Variants in MCOLN3 observed in about 807,000 individuals in gnomAD.
MCOLN3 encodes mucolipin TRP cation channel 3, also known as mucolipin-3.
Under a neutral mutation model 69.4 loss-of-function variants are expected in MCOLN3, and 62 were observed. The ratio of observed to expected loss-of-function variants is 0.89; its 90% confidence interval spans 0.73 to 1.10. MCOLN3 has a LOEUF of 1.10. Among genes scored for constraint, MCOLN3 ranks in the 50% least tolerant of loss-of-function variants. MCOLN3 has a pLI of 0.00. For missense variants in MCOLN3, 564 were observed against 656.4 expected (o/e 0.86, Z 1.54); for synonymous variants, 183 against 217.0 (o/e 0.84, Z 1.38).
At chr1:85,030,835 G>GA (rs1209961624) in intron 6 of MCOLN3, among the ~76,000 whole-genome samples, 2 of 152,072 alleles carry the variant, frequency 1.3e-5, no homozygotes, top group African/African-American at 2.4e-5. Context: ...AAGTGCTAAA[G>GA]AAAAAAACAG....
rs571493668 is a variant in MCOLN3 at position 85,039,466 on chromosome 1, G to A, written c.396+1544C>T. Among the ~76,000 whole-genome samples the A allele has an allele frequency of 1.6e-4, 25 of 152,288 alleles. No individual in the cohort carries two copies. In the South Asian group the frequency reaches 2.7e-3, roughly 16 times the overall value. ...AAGGTAAGTGATCTTGGACTTCCCC[G>A]GCTCCGGAATTATTAGGCAGAAATT... On this transcript the variant is annotated intron_variant, in intron 3 of 12. Transcript: ENST00000370589.
chr1:85,033,594 T>C (rs930003451), intron 4 of MCOLN3, among the ~76,000 whole-genome samples: 2 of 152,226 alleles, frequency 1.3e-5, no homozygotes, highest in African/African-American at 4.8e-5. Flanking sequence ...TGCTATTCCA[T>C]GTTCTGATTT....
chr1:85,019,328 T>C, intron 12 of MCOLN3, 71 bp from the exon 13 acceptor site: 1 of 1,474,450 alleles, frequency 6.8e-7, no homozygotes, highest in Non-Finnish European at 9.3e-7. Context: ...AAATTCAAAA[T>C]GGATCATTTG....
In MCOLN3 at chr1:85,018,108, T is replaced by G. The variant is rs538039819; in HGVS notation, c.*1015A>C. On this transcript the variant is annotated 3_prime_UTR_variant, in exon 13 of 13. Coordinates refer to ENST00000370589, the MANE Select transcript of MCOLN3 (RefSeq NM_018298.11). ...GCATTTGGTATATGCTTTAATTTCA[T>G]GCATGTATAAGATACTCTTTTTACT... The G allele has an allele frequency of 1.3e-5, 2 of 152,338 alleles. No homozygotes were observed. The highest frequency in any genetic ancestry group is 4.1e-4 in the South Asian group (2 of 4,826). 9.4% of individuals were successfully genotyped at this position (152,338 alleles called of 1,614,324 possible).
chr1:85,041,280 GAA>G, intron 2 of MCOLN3, 103 bp from the exon 3 acceptor site: 1 of 912,812 alleles, frequency 1.1e-6, no homozygotes, highest in Non-Finnish European at 1.6e-6. Flanking sequence ...AGTTTAAAAT[GAA>G]TTCTCTGGGA....
chr1:85,048,022 C>A (rs1347683365), intron 1 of MCOLN3, among the ~76,000 whole-genome samples: 3 of 152,248 alleles, frequency 2.0e-5, no homozygotes, highest in Admixed American at 2.0e-4. Context: ...ATCTGGAGCC[C>A]CGGCCGGCAT....
rs190703120 is a variant in MCOLN3 at position 85,026,107 on chromosome 1, A to G, written c.946-19T>C. 12 of 1,610,810 alleles carry G rather than the reference A, an allele frequency of 7.4e-6. No individual in the cohort carries two copies. The African/African-American group carries it at 1.5e-4, about 20-fold the overall frequency. Reference sequence around the variant, plus strand: ...CAAACTCCTTTAGGGAAAAGAGGGGAGGCACAGTGAATGTCTCTGTCAATC... The same window carrying G: ...CAAACTCCTTTAGGGAAAAGAGGGGGGGCACAGTGAATGTCTCTGTCAATC... On this transcript the variant is annotated intron_variant, in intron 8 of 12. Transcript: ENST00000370589.
chr1:85,024,250 A>G (rs1652103574), intron 9 of MCOLN3, among the ~76,000 whole-genome samples: 1 of 152,190 alleles, frequency 6.6e-6, no homozygotes, highest in African/African-American at 2.4e-5. Context: ...AAATGATGGT[A>G]GTAAGTTAGC....
Position 85,018,725 on chromosome 1 carries a change from T to G in MCOLN3, c.*398A>C, listed in dbSNP as rs2102911528. ...CTCAAGGATGGACTCCTGAGAGTGG[T>G]CCAAGCCAGGGTTACTGAGTTGTCC... On this transcript the variant is annotated 3_prime_UTR_variant, in exon 13 of 13. Coordinates refer to ENST00000370589, the MANE Select transcript of MCOLN3 (RefSeq NM_018298.11). 1 of 166,768 alleles carries G rather than the reference T, an allele frequency of 6.0e-6. No homozygotes were observed. Among genetic ancestry groups the G allele is most frequent in the Admixed American group, 6.0e-5 (1 of 16,632 alleles). 10.3% of individuals were successfully genotyped at this position (166,768 alleles called of 1,614,324 possible). A position where few individuals can be genotyped will look rare whatever the true frequency, so the allele number is the denominator to read the frequency against.
At chr1:85,045,516 CA>C (rs1383925666) in intron 1 of MCOLN3, among the ~76,000 whole-genome samples, 154 bp from the exon 2 acceptor site, 1 of 152,206 alleles carries the variant, frequency 6.6e-6, no homozygotes, top group African/African-American at 2.4e-5. Context: ...TAGATGTTTA[CA>C]GAATCAGTTC....
At chr1:85,041,248 G>A in intron 2 of MCOLN3, 71 bp from the exon 3 acceptor site, 1 of 1,262,972 alleles carries the variant, frequency 7.9e-7, no homozygotes, top group Non-Finnish European at 1.1e-6. Context: ...GAAGGTACAG[G>A]GGCTTGAACA....
chr1:85,042,176 A>G (rs1033313692), intron 2 of MCOLN3, among the ~76,000 whole-genome samples: 1 of 152,206 alleles, frequency 6.6e-6, no homozygotes, highest in African/African-American at 2.4e-5. Context: ...TTCCTCATAC[A>G]CCAATTTTAG....
intron 2 of MCOLN3, among the ~76,000 whole-genome samples, chr1:85,042,796 A>G (rs1653135849): frequency 2.6e-5 from 4 of 152,222 alleles, no homozygotes; most frequent in Non-Finnish European, 5.9e-5. Flanking sequence ...CCAGTTTAAC[A>G]GAAGGACCAC....
intron 6 of MCOLN3, among the ~76,000 whole-genome samples, chr1:85,030,407 T>A (rs912507413): frequency 1.3e-5 from 2 of 152,152 alleles, no homozygotes; most frequent in African/African-American, 4.8e-5. Context: ...TTTGAAAATA[T>A]AGCAACAGAA....
chr1:85,036,392 T>C (rs900506325), intron 3 of MCOLN3, among the ~76,000 whole-genome samples: 23 of 152,152 alleles, frequency 1.5e-4, no homozygotes, highest in Non-Finnish European at 2.4e-4. Context: ...GGTTTCACCA[T>C]GTTAGCCAGG....
chr1:85,040,864 A>C, intron 3 of MCOLN3, 146 bp downstream of exon 3: 1 of 760,568 alleles, frequency 1.3e-6, no homozygotes, highest in Non-Finnish European at 1.9e-6. Context: ...ATATTTTTAA[A>C]AAATTAAAAA....
rs1167391627 is a variant in MCOLN3 at position 85,032,755 on chromosome 1, T to A, written c.673A>T (p.Ile225Phe). The A allele has an allele frequency of 6.2e-7, 1 of 1,614,154 alleles. No individual in the cohort carries two copies. The highest frequency in any genetic ancestry group is 1.7e-5 in the Admixed American group (1 of 60,024). Reference sequence around the variant, plus strand: ...TGATGACGAACTGTCTGCAGATTAATGGCTTTCAGTTTAAACTGAAGCTCC... The same window carrying A: ...TGATGACGAACTGTCTGCAGATTAAAGGCTTTCAGTTTAAACTGAAGCTCC... ...TVELQFKLKAINLQTVRHQEL... is the reference protein window; with the variant it reads ...TVELQFKLKAFNLQTVRHQEL... The change falls in exon 6 of 13, where the codon ATT becomes TTT. Residue 225 changes from isoleucine (I) to phenylalanine (F), a missense_variant. Ile to Phe is a conservative substitution (Grantham distance 21, BLOSUM62 0). Transcript: ENST00000370589.
intron 9 of MCOLN3, chr1:85,025,009 C>G (rs1652142944): frequency 6.6e-6 from 1 of 152,266 alleles, no homozygotes; most frequent in Non-Finnish European, 1.5e-5. Flanking sequence ...GCCAAGCCAT[C>G]AGTCTATGGG....
chr1:85,021,936 G>A, intron 11 of MCOLN3, 134 bp downstream of exon 11: 1 of 1,065,914 alleles, frequency 9.4e-7, no homozygotes, highest in Non-Finnish European at 1.4e-6. Flanking sequence ...TTATAAATAT[G>A]GCACTAGATA....
Sources: gnomAD v4.1 joint callset for allele counts (sites outside exome capture counted in the v4.1 genomes callset) on GRCh38, gnomAD v4.1.1 for gene constraint, MANE v1.5 for transcripts, NCBI Gene and HGNC (gene_info 2026-07-23, HGNC 2026-07-21) for gene names.